Variants in SMOC2 observed in about 807,000 individuals in gnomAD.
The protein encoded by SMOC2 is SPARC related modular calcium binding 2, also known as SPARC-related modular calcium-binding protein 2.
Under a neutral mutation model 61.4 loss-of-function variants are expected in SMOC2, and 39 were observed. That is an observed-to-expected ratio of 0.64 (90% CI 0.49 to 0.83). The LOEUF (loss-of-function observed/expected upper bound fraction) is 0.83. SMOC2 is among the 40% of genes least tolerant of loss of function. The pLI is 0.00. For synonymous variants in SMOC2, 247 were observed against 239.9 expected, an observed-to-expected ratio of 1.03 and a Z score of -0.27; for missense variants, 556 against 592.9, an observed-to-expected ratio of 0.94 and a Z score of 0.65.
At chr6:168,457,288 G>T (rs1166520152) in intron 1 of SMOC2, among the ~76,000 whole-genome samples, 1 of 152,192 alleles carries the variant, frequency 6.6e-6, no homozygotes, top group African/African-American at 2.4e-5. Context: ...GGGGGAGTCA[G>T]AACCCAGTTG....
chr6:168,494,485 A>G (rs965424683), intron 1 of SMOC2, among the ~76,000 whole-genome samples: 1 of 152,256 alleles, frequency 6.6e-6, no homozygotes, highest in Non-Finnish European at 1.5e-5. Flanking sequence ...TACTAGGGCT[A>G]AAGTGCCCAT....
chr6:168,608,718 CAG>C (rs149233039), intron 9 of SMOC2, among the ~76,000 whole-genome samples: 4,202 of 152,136 alleles, frequency 0.028, 284 homozygotes, highest in Admixed American at 0.16. Context: ...TGTAATTAAA[CAG>C]AGGTGAATTA....
chr6:168,519,105 G>A (rs1035339966), intron 2 of SMOC2, among the ~76,000 whole-genome samples: 1 of 145,116 alleles, frequency 6.9e-6, no homozygotes, highest in Non-Finnish European at 1.5e-5. Flanking sequence ...ATGCGTGTGT[G>A]AACGCGTGTG....
chr6:168,575,332 C>T (rs1454156585), intron 7 of SMOC2, among the ~76,000 whole-genome samples: 1 of 152,180 alleles, frequency 6.6e-6, no homozygotes, highest in Admixed American at 6.5e-5. Context: ...TTAGATTCCC[C>T]CCGACTTCTT....
intron 7 of SMOC2, among the ~76,000 whole-genome samples, chr6:168,581,176 A>G (rs911322063): frequency 2.7e-4 from 41 of 152,208 alleles, no homozygotes; most frequent in Admixed American, 2.7e-3. Flanking sequence ...ATCAAATACT[A>G]AAGGGGCACT....
At chr6:168,652,909 A>T in intron 10 of SMOC2, 45 bp from the exon 11 acceptor site, 1 of 1,583,262 alleles carries the variant, frequency 6.3e-7, no homozygotes. Flanking sequence ...AGGAAGGAGC[A>T]GCCCAGGGGT....
At chr6:168,465,238 C>T (rs1056608668) in intron 1 of SMOC2, among the ~76,000 whole-genome samples, 14 of 152,232 alleles carry the variant, frequency 9.2e-5, no homozygotes, top group Non-Finnish European at 2.1e-4. Flanking sequence ...GTGGAATAGG[C>T]CTCCATCCTG....
chr6:168,482,295 T>C (rs960169615), intron 1 of SMOC2, among the ~76,000 whole-genome samples: 1 of 152,002 alleles, frequency 6.6e-6, no homozygotes, highest in Non-Finnish European at 1.5e-5. Flanking sequence ...CTAAGAATAA[T>C]TATATGCTAA....
chr6:168,447,454 G>A (rs1052704705), intron 1 of SMOC2, among the ~76,000 whole-genome samples: 3 of 152,108 alleles, frequency 2.0e-5, no homozygotes, highest in Non-Finnish European at 4.4e-5. Context: ...GAGACTCCCT[G>A]AAGGGTTTTC....
chr6:168,523,331 A>C (rs993776411), intron 2 of SMOC2, among the ~76,000 whole-genome samples: 2 of 135,152 alleles, frequency 1.5e-5, no homozygotes, highest in Non-Finnish European at 1.6e-5. Flanking sequence ...CTCAAGATCC[A>C]CCCGCCTCGG....
At chr6:168,625,056 C>T (rs1277128684) in intron 9 of SMOC2, among the ~76,000 whole-genome samples, 2 of 152,178 alleles carry the variant, frequency 1.3e-5, no homozygotes, top group African/African-American at 4.8e-5. Context: ...ATGTGGACCC[C>T]GACCCTGCCC....
At chr6:168,548,630 C>T (rs555847621) in intron 6 of SMOC2, among the ~76,000 whole-genome samples, 383 of 151,950 alleles carry the variant, frequency 2.5e-3, no homozygotes, top group Non-Finnish European at 4.4e-3. Flanking sequence ...CCTCCCAAAG[C>T]GCTGGGATTA....
rs1047373176 is a variant in SMOC2, at chr6:168,544,004, C to T, written c.511+332C>T. Among the ~76,000 whole-genome samples, 1 of 152,146 alleles carries T rather than the reference C, an allele frequency of 6.6e-6. No homozygotes were observed. Among genetic ancestry groups the T allele is most frequent in the Non-Finnish European group, 1.5e-5 (1 of 68,030 alleles). On this transcript the variant is annotated intron_variant, in intron 5 of 12. Transcript: ENST00000356284. The surrounding 1 kb of genome is among the most constrained non-coding windows in gnomAD (Gnocchi z 4.1). Reference sequence around the variant, plus strand: ...TTTTGGCTCCCTGTGGGATTCTAAACCATTGCAGTTATTGAGGACCCTGAT... The same window carrying T: ...TTTTGGCTCCCTGTGGGATTCTAAATCATTGCAGTTATTGAGGACCCTGAT...
chr6:168,617,305 C>T (rs904395765), intron 9 of SMOC2, among the ~76,000 whole-genome samples: 1 of 151,992 alleles, frequency 6.6e-6, no homozygotes, highest in African/African-American at 2.4e-5. Context: ...CAGGAGGGTG[C>T]TGGGCGCTTT....
chr6:168,446,179 A>G lies in SMOC2; in HGVS notation c.84+4725A>G, dbSNP rs376692178. ...GGAGTTCAAGACCAGCCTGACCAACATGGTGAAACCCCATCTTTACTAAAA... is the reference window on the plus strand; with the variant it reads ...GGAGTTCAAGACCAGCCTGACCAACGTGGTGAAACCCCATCTTTACTAAAA... On this transcript the variant is annotated intron_variant, in intron 1 of 12. Transcript: ENST00000356284. Among the ~76,000 whole-genome samples the G allele has an allele frequency of 2.7e-4, 41 of 152,354 alleles. No homozygotes were observed. In the East Asian group the frequency reaches 6.8e-3, roughly 25 times the overall value.
intron 9 of SMOC2, among the ~76,000 whole-genome samples, chr6:168,616,403 G>A (rs1015222301): frequency 6.6e-6 from 1 of 152,182 alleles, no homozygotes. Context: ...GAGGAGGCTG[G>A]GATGCGAGGC....
At chr6:168,515,588 C>T (rs757045447) in intron 2 of SMOC2, among the ~76,000 whole-genome samples, 26 of 6,810 alleles carry the variant, frequency 3.8e-3, no homozygotes, top group South Asian at 0.042. Context: ...TGGCTCGTGG[C>T]GGAAGACGGG....
intron 1 of SMOC2, among the ~76,000 whole-genome samples, chr6:168,470,537 G>A (rs2115012866): frequency 6.6e-6 from 1 of 152,064 alleles, no homozygotes. Context: ...TTAACCAGGT[G>A]TTAGTGGCTC....
At chr6:168,483,394 G>T in intron 1 of SMOC2, among the ~76,000 whole-genome samples, 1 of 151,122 alleles carries the variant, frequency 6.6e-6, no homozygotes, top group South Asian at 2.1e-4. Context: ...TGACAGATTT[G>T]TACAATAAAA....
Sources: allele counts gnomAD v4.1 joint callset (sites outside exome capture counted in the v4.1 genomes callset), GRCh38; gene constraint gnomAD v4.1.1; non-coding constraint Gnocchi (gnomAD v3.1); transcripts MANE v1.5; gene names NCBI Gene and HGNC (gene_info 2026-07-23, HGNC 2026-07-21).